SAMTOR: variants seen among roughly 807,000 people sequenced by gnomAD.
SAMTOR encodes UPF0532 protein C7orf60.
chr7:112,840,715 C>T, the SAMTOR span, among the ~76,000 whole-genome samples: 1 of 151,772 alleles, frequency 6.6e-6, no homozygotes, highest in Non-Finnish European at 1.5e-5. Context: ...TTTAAAGTTT[C>T]TATTTCCCGT....
the SAMTOR span, among the ~76,000 whole-genome samples, chr7:112,857,184 C>T: frequency 1.4e-3 from 204 of 147,312 alleles, 4 homozygotes; most frequent in South Asian, 0.012. Flanking sequence ...CTCCGCTTCC[C>T]GGGTTCACGC....
the SAMTOR span, among the ~76,000 whole-genome samples, chr7:112,860,506 C>T: frequency 6.6e-6 from 1 of 152,102 alleles, no homozygotes; most frequent in East Asian, 1.9e-4. Context: ...TAGTTAAGTG[C>T]ATACAGTGAA....
chr7:112,878,688 G>A, the SAMTOR span, among the ~76,000 whole-genome samples: 1 of 152,148 alleles, frequency 6.6e-6, no homozygotes, highest in Non-Finnish European at 1.5e-5. Flanking sequence ...GCAAAATGAA[G>A]TTCAATATTA....
At chr7:112,854,039 T>G in the SAMTOR span, among the ~76,000 whole-genome samples, 1 of 152,068 alleles carries the variant, frequency 6.6e-6, no homozygotes, top group South Asian at 2.1e-4. Context: ...AATGTCCACT[T>G]TTGGGGCTGT....
chr7:112,891,224 T>G, the SAMTOR span, among the ~76,000 whole-genome samples: 12 of 152,140 alleles, frequency 7.9e-5, no homozygotes, highest in Admixed American at 7.2e-4. Flanking sequence ...CCATAACACA[T>G]GAGTTAAAGG....
chr7:112,935,270 GA>G, the SAMTOR span: 25 of 422,658 alleles, frequency 5.9e-5, no homozygotes, highest in Admixed American at 1.7e-4. Flanking sequence ...GCCCACTGAG[GA>G]AAAAAAATAA....
chr7:112,838,746 CA>C, the SAMTOR span, among the ~76,000 whole-genome samples: 1 of 149,390 alleles, frequency 6.7e-6, no homozygotes, highest in Non-Finnish European at 1.5e-5. Flanking sequence ...ATTCTAAGGA[CA>C]AAAAAAAAGA....
chr7:112,884,922 C>T, the SAMTOR span, among the ~76,000 whole-genome samples: 1 of 152,248 alleles, frequency 6.6e-6, no homozygotes, highest in African/African-American at 2.4e-5. Context: ...CTGCAGAAAA[C>T]TTCTGCCTGG....
At chr7:112,827,206 G>T in the SAMTOR span, among the ~76,000 whole-genome samples, 4 of 152,102 alleles carry the variant, frequency 2.6e-5, no homozygotes, top group African/African-American at 9.7e-5. Context: ...ATATATTTGG[G>T]TCTTGGCTTT....
At chr7:112,879,767 T>C in the SAMTOR span, among the ~76,000 whole-genome samples, 1 of 152,198 alleles carries the variant, frequency 6.6e-6, no homozygotes, top group Non-Finnish European at 1.5e-5. Context: ...ACATCTGCCA[T>C]GCCCATAAAA....
the SAMTOR span, among the ~76,000 whole-genome samples, chr7:112,917,493 G>A: frequency 6.6e-6 from 1 of 152,112 alleles, no homozygotes; most frequent in Non-Finnish European, 1.5e-5. Context: ...CCACAAAGAT[G>A]GGGAAAAAAC....
the SAMTOR span, among the ~76,000 whole-genome samples, chr7:112,917,968 C>G: frequency 6.6e-6 from 1 of 152,184 alleles, no homozygotes; most frequent in Admixed American, 6.5e-5. Context: ...AAATCTATGT[C>G]TGATTGGTGT....
the SAMTOR span, among the ~76,000 whole-genome samples, chr7:112,891,269 T>C: frequency 6.6e-6 from 1 of 152,200 alleles, no homozygotes; most frequent in Non-Finnish European, 1.5e-5. Context: ...ATAAGCTTTG[T>C]AGTAACCTTT....
At chr7:112,841,503 C>T in the SAMTOR span, among the ~76,000 whole-genome samples, 6 of 151,394 alleles carry the variant, frequency 4.0e-5, no homozygotes, top group African/African-American at 7.3e-5. Flanking sequence ...GGCCATACTG[C>T]CCAAATTTAT....
chr7:112,845,482 A>T, the SAMTOR span, among the ~76,000 whole-genome samples: 1,623 of 152,302 alleles, frequency 0.011, 30 homozygotes, highest in African/African-American at 0.037. Context: ...CAAGTATATT[A>T]AAAAAAGCTC....
chr7:112,851,892 T>C, the SAMTOR span, among the ~76,000 whole-genome samples: 2 of 152,030 alleles, frequency 1.3e-5, no homozygotes, highest in Non-Finnish European at 2.9e-5. Flanking sequence ...CCAACAAATA[T>C]ATGAAAAAAT....
chr7:112,890,931 C>T, the SAMTOR span, among the ~76,000 whole-genome samples: 1 of 152,088 alleles, frequency 6.6e-6, no homozygotes, highest in African/African-American at 2.4e-5. Flanking sequence ...CTCAAGCAAT[C>T]CACCTGTCTT....
chr7:112,861,216 G>A, the SAMTOR span, among the ~76,000 whole-genome samples: 1 of 152,108 alleles, frequency 6.6e-6, no homozygotes, highest in Non-Finnish European at 1.5e-5. Context: ...CTATACTGCA[G>A]TAGTTTTTGA....
chr7:112,920,709 T>C, the SAMTOR span, among the ~76,000 whole-genome samples: 1,527 of 146,246 alleles, frequency 0.01, 27 homozygotes, highest in African/African-American at 0.036. Flanking sequence ...CCCCACTGTC[T>C]CAGCCCAAAA....
Sources: allele counts gnomAD v4.1 joint callset (sites outside exome capture counted in the v4.1 genomes callset), GRCh38; gene constraint gnomAD v4.1.1; transcripts MANE v1.5; gene names NCBI Gene and HGNC (gene_info 2026-07-23, HGNC 2026-07-21).